SAMD3: variants seen among roughly 807,000 people sequenced by gnomAD.
SAMD3 encodes the protein sterile alpha motif domain-containing protein 3.
In SAMD3, 63 loss-of-function variants were observed where a neutral mutation model predicts 58.5. That is an observed-to-expected ratio of 1.08 (90% CI 0.88 to 1.33). The LOEUF (loss-of-function observed/expected upper bound fraction) is 1.33, where lower values mean the gene tolerates loss of function less well. Ranked by LOEUF, SAMD3 falls within the 40% of genes most tolerant of loss-of-function variation. SAMD3 has a pLI of 0.00. For missense variants in SAMD3, 604 were observed against 608.4 expected (o/e 0.99, Z 0.08); for synonymous variants, 220 against 210.3 (o/e 1.05, Z -0.40).
rs753159608 is a variant in SAMD3 at position 130,243,204 on chromosome 6, CT to C, written c.-187-20392del. Among the ~76,000 whole-genome samples, 4 of 152,274 alleles carry C rather than the reference CT, an allele frequency of 2.6e-5. 1 individual carries two copies. ...TGGAATCTCTAACTACTTTTCTGTCCTGGTAAGATGGGTTAGATAAGTGGAA... is the reference window on the plus strand; with the variant it reads ...TGGAATCTCTAACTACTTTTCTGTCCGGTAAGATGGGTTAGATAAGTGGAA... On this transcript the variant is annotated intron_variant, in intron 2 of 13. Coordinates refer to the SAMD3 transcript ENST00000368134.
intron 1 of SAMD3, among the ~76,000 whole-genome samples, chr6:130,315,734 A>C (rs757326825): frequency 2.6e-5 from 4 of 152,162 alleles, no homozygotes; most frequent in Admixed American, 2.6e-4. Context: ...AACATTTTGC[A>C]TAGTATTTTT....
chr6:130,313,386 G>C (rs990714800), intron 1 of SAMD3, among the ~76,000 whole-genome samples: 2 of 152,190 alleles, frequency 1.3e-5, no homozygotes, highest in Admixed American at 1.3e-4. Flanking sequence ...TACACCAGGT[G>C]TGTGAAACAA....
chr6:130,276,941 A>G (rs1046373885), intron 2 of SAMD3, among the ~76,000 whole-genome samples: 3 of 152,154 alleles, frequency 2.0e-5, no homozygotes, highest in African/African-American at 7.2e-5. Flanking sequence ...AGGACTGGTC[A>G]AGTCATGAAG....
At chr6:130,359,937 A>T (rs912851264) in intron 1 of SAMD3, among the ~76,000 whole-genome samples, 17 of 152,180 alleles carry the variant, frequency 1.1e-4, no homozygotes, top group African/African-American at 4.1e-4. Context: ...TAAGTACTGA[A>T]CTAGGAATAG....
chr6:130,269,049 G>A (rs77235977), intron 2 of SAMD3, among the ~76,000 whole-genome samples: 2,627 of 152,166 alleles, frequency 0.017, 26 homozygotes, highest in South Asian at 0.034. Context: ...CCTAGTTCCC[G>A]AAGTTTTACT....
At chr6:130,328,511 A>G (rs955092932) in intron 1 of SAMD3, among the ~76,000 whole-genome samples, 16 of 152,212 alleles carry the variant, frequency 1.1e-4, no homozygotes, top group Non-Finnish European at 1.5e-4. Context: ...GTATATTCAC[A>G]TTAGCCTATG....
chr6:130,337,575 G>A (rs1309882176), intron 1 of SAMD3, among the ~76,000 whole-genome samples: 1 of 152,106 alleles, frequency 6.6e-6, no homozygotes, highest in Admixed American at 6.5e-5. Context: ...CAATTTGGAG[G>A]GCCTAGAAGA....
At chr6:130,277,658 G>T (rs1393271938) in intron 2 of SAMD3, among the ~76,000 whole-genome samples, 2 of 152,066 alleles carry the variant, frequency 1.3e-5, no homozygotes, top group African/African-American at 2.4e-5. Context: ...AATGCCCCAG[G>T]TACAGATTGG....
intron 9 of SAMD3, among the ~76,000 whole-genome samples, chr6:130,149,518 A>C (rs1367695246): frequency 6.6e-6 from 1 of 152,264 alleles, no homozygotes; most frequent in Non-Finnish European, 1.5e-5. Context: ...ACACCATGGA[A>C]TACTACATAG....
chr6:130,253,119 A>G (rs1773799595), intron 2 of SAMD3, among the ~76,000 whole-genome samples: 1 of 152,156 alleles, frequency 6.6e-6, no homozygotes, highest in African/African-American at 2.4e-5. Flanking sequence ...TTCCTTAGCA[A>G]TTGCGCAGGA....
chr6:130,198,113 T>C (rs2114773264), intron 5 of SAMD3, among the ~76,000 whole-genome samples: 1 of 152,202 alleles, frequency 6.6e-6, no homozygotes, highest in East Asian at 1.9e-4. Context: ...ACCCCATCTC[T>C]CTTCGCTGAC....
intron 2 of SAMD3, among the ~76,000 whole-genome samples, chr6:130,294,713 G>T (rs191737249): frequency 6.6e-6 from 1 of 150,734 alleles, no homozygotes; most frequent in East Asian, 1.9e-4. Flanking sequence ...ATTTGTACAT[G>T]ATTGAGTATT....
intron 2 of SAMD3, among the ~76,000 whole-genome samples, chr6:130,229,715 GTTAT>G (rs1796487702): frequency 6.6e-6 from 1 of 152,128 alleles, no homozygotes; most frequent in South Asian, 2.1e-4. Context: ...TAGACTTTAT[GTTAT>G]TTGAGAGCAA....
intron 2 of SAMD3, among the ~76,000 whole-genome samples, chr6:130,261,565 T>G (rs1173208874): frequency 6.6e-6 from 1 of 152,218 alleles, no homozygotes; most frequent in Non-Finnish European, 1.5e-5. Flanking sequence ...TGTGCCCTTT[T>G]TACCCATTCT....
intron 5 of SAMD3, among the ~76,000 whole-genome samples, 181 bp from the exon 6 acceptor site, chr6:130,184,804 CTT>C (rs1021743414): frequency 2.0e-5 from 3 of 152,192 alleles, no homozygotes; most frequent in Non-Finnish European, 2.9e-5. Context: ...CATTAAGTGT[CTT>C]TGTCCATTCA....
intron 2 of SAMD3, among the ~76,000 whole-genome samples, chr6:130,271,933 A>T (rs111765995): frequency 0.015 from 2,220 of 152,302 alleles, 49 homozygotes; most frequent in African/African-American, 0.051. Flanking sequence ...CGTCCCCATG[A>T]TTCAATTACC....
intron 5 of SAMD3, among the ~76,000 whole-genome samples, chr6:130,191,069 C>G (rs1793499145): frequency 6.6e-6 from 1 of 151,480 alleles, no homozygotes; most frequent in Non-Finnish European, 1.5e-5. Flanking sequence ...TAGATATCTG[C>G]CTTTTGCATG....
At chr6:130,347,619 A>T (rs1172757388) in intron 1 of SAMD3, among the ~76,000 whole-genome samples, 1 of 152,220 alleles carries the variant, frequency 6.6e-6, no homozygotes, top group Non-Finnish European at 1.5e-5. Context: ...CCTGAAAGTG[A>T]CGGGGAGAAT....
intron 8 of SAMD3, chr6:130,162,297 G>T (rs750035964): frequency 1.4e-5 from 10 of 701,344 alleles, no homozygotes; most frequent in Non-Finnish European, 2.3e-5. Flanking sequence ...ATAAGGAGGA[G>T]AATATTTCTA....
Sources: gnomAD v4.1 joint callset for allele counts (sites outside exome capture counted in the v4.1 genomes callset) on GRCh38, gnomAD v4.1.1 for gene constraint, MANE v1.5 for transcripts, NCBI Gene and HGNC (gene_info 2026-07-23, HGNC 2026-07-21) for gene names.